The following CSMD1 variants were observed in gnomAD, a reference collection of about 807,000 sequenced individuals.
The protein encoded by CSMD1 is CUB and Sushi multiple domains 1.
Under a neutral mutation model 417.5 loss-of-function variants are expected in CSMD1, and 213 were observed. The ratio of observed to expected loss-of-function variants is 0.51; its 90% CI spans 0.46 to 0.57. The LOEUF (loss-of-function observed/expected upper bound fraction) is 0.57, where lower values mean the gene tolerates loss of function less well. Among genes scored for constraint, CSMD1 ranks in the 20% least tolerant of loss-of-function variants. The pLI, the probability that CSMD1 is intolerant of heterozygous loss-of-function variation, is 0.00. For missense variants in CSMD1, 6,923 were observed against 4,529.7 expected (o/e 1.53, Z -15.17); for synonymous variants, 2,862 against 1,736.8 (o/e 1.65, Z -16.11).
intron 3 of CSMD1, among the ~76,000 whole-genome samples, chr8:4,300,243 T>C (rs926096556): frequency 1.3e-5 from 2 of 152,252 alleles, no homozygotes; most frequent in African/African-American, 4.8e-5. Context: ...AAGTCGTTTG[T>C]AAACACAGAG....
chr8:3,310,792 TGC>T (rs1805276652), intron 23 of CSMD1, among the ~76,000 whole-genome samples: 1 of 150,030 alleles, frequency 6.7e-6, no homozygotes, highest in Non-Finnish European at 1.5e-5. Flanking sequence ...TGTGGGGTTC[TGC>T]ACACAGCACC....
At chr8:3,378,494 C>A (rs1352842636) in intron 18 of CSMD1, among the ~76,000 whole-genome samples, 1 of 152,118 alleles carries the variant, frequency 6.6e-6, no homozygotes, top group Non-Finnish European at 1.5e-5. Flanking sequence ...ATGTGAAAAT[C>A]CTCCATAAAA....
chr8:4,011,837 G>C (rs935151171), intron 4 of CSMD1, among the ~76,000 whole-genome samples: 1 of 151,918 alleles, frequency 6.6e-6, no homozygotes, highest in African/African-American at 2.4e-5. Context: ...AGTCATCTTT[G>C]GTATCCATTG....
At chr8:4,798,327 C>T (rs758362465) in intron 1 of CSMD1, among the ~76,000 whole-genome samples, 1 of 152,186 alleles carries the variant, frequency 6.6e-6, no homozygotes, top group Non-Finnish European at 1.5e-5. Context: ...CATGTCCCTA[C>T]AAAGGACATG....
chr8:4,031,459 G>C (rs1585167951), intron 4 of CSMD1, among the ~76,000 whole-genome samples: 1 of 152,080 alleles, frequency 6.6e-6, no homozygotes, highest in Non-Finnish European at 1.5e-5. Flanking sequence ...GCTATGATGA[G>C]AACGGCACAG....
chr8:3,006,432 C>T (rs1807908581), intron 52 of CSMD1, among the ~76,000 whole-genome samples: 2 of 151,472 alleles, frequency 1.3e-5, no homozygotes, highest in South Asian at 4.2e-4. Flanking sequence ...CTTTAAAGTT[C>T]ATATGGAACC....
intron 7 of CSMD1, among the ~76,000 whole-genome samples, chr8:3,645,087 G>A (rs1424603114): frequency 6.7e-6 from 1 of 149,954 alleles, no homozygotes; most frequent in Non-Finnish European, 1.5e-5. Context: ...ATCTTGAATT[G>A]CACAACTTCT....
chr8:4,066,091 A>C (rs1029114802), intron 3 of CSMD1, among the ~76,000 whole-genome samples: 3 of 152,206 alleles, frequency 2.0e-5, no homozygotes, highest in Non-Finnish European at 4.4e-5. Context: ...AAAACAATGA[A>C]AACAGTTCTG....
At chr8:4,475,896 A>G (rs138570005) in intron 2 of CSMD1, among the ~76,000 whole-genome samples, 21 of 152,188 alleles carry the variant, frequency 1.4e-4, no homozygotes, top group Middle Eastern at 3.4e-3. Flanking sequence ...TACAGGCTTG[A>G]GCCACCTCAC....
chr8:2,985,556 C>G (rs529780697), intron 54 of CSMD1, among the ~76,000 whole-genome samples: 1 of 152,268 alleles, frequency 6.6e-6, no homozygotes, highest in African/African-American at 2.4e-5. Flanking sequence ...AATATATAGG[C>G]AATACTCCTT....
intron 3 of CSMD1, among the ~76,000 whole-genome samples, chr8:4,141,579 G>C (rs1237155156): frequency 1.3e-5 from 2 of 151,130 alleles, no homozygotes; most frequent in Non-Finnish European, 2.9e-5. Context: ...TACAGAACGA[G>C]TAACTGTACT....
chr8:3,863,261 G>T (rs898178398), intron 5 of CSMD1, among the ~76,000 whole-genome samples: 1 of 152,064 alleles, frequency 6.6e-6, no homozygotes, highest in Admixed American at 6.6e-5. Flanking sequence ...GCTAGGTCTG[G>T]TGGCAGGCAC....
intron 1 of CSMD1, among the ~76,000 whole-genome samples, chr8:4,861,550 A>G (rs546228129): frequency 6.6e-6 from 1 of 152,242 alleles, no homozygotes; most frequent in South Asian, 2.1e-4. Context: ...GGTGGATGTT[A>G]CGAAGAAAAA....
At chr8:4,566,901 G>GAAAAACTCAATTTAGGAATGAC (rs1798641110) in intron 2 of CSMD1, among the ~76,000 whole-genome samples, 1 of 152,110 alleles carries the variant, frequency 6.6e-6, no homozygotes, top group African/African-American at 2.4e-5. Flanking sequence ...CCAGCAATGA[G>GAAAAACTCAATTTAGGAATGAC]AAAAAGTCAA....
intron 9 of CSMD1, among the ~76,000 whole-genome samples, chr8:3,580,314 C>T (rs1011888959): frequency 6.6e-6 from 1 of 152,042 alleles, no homozygotes; most frequent in Non-Finnish European, 1.5e-5. Flanking sequence ...AAAAGGCCTG[C>T]TCTGTAAGAA....
intron 54 of CSMD1, among the ~76,000 whole-genome samples, chr8:2,987,422 A>T (rs1226191631): frequency 6.7e-6 from 1 of 148,464 alleles, no homozygotes; most frequent in Non-Finnish European, 1.5e-5. Context: ...TATAATATAT[A>T]CATAAATATA....
chr8:3,403,708 T>G (rs1812176738), intron 15 of CSMD1, among the ~76,000 whole-genome samples: 1 of 152,184 alleles, frequency 6.6e-6, no homozygotes, highest in South Asian at 2.1e-4. Flanking sequence ...TCCTGAAAAT[T>G]CATGCTTCCA....
In CSMD1 at chr8:3,379,518, A is replaced by G. The variant is rs540220773; in HGVS notation, c.2782+7976T>C. 1.7e-3 allele frequency among the ~76,000 whole-genome samples: 254 copies of G among 152,238 alleles called. 1 individual carries two copies. Among genetic ancestry groups the G allele is most frequent in the African/African-American group, 5.8e-3 (241 of 41,556 alleles). Reference sequence around the variant, plus strand: ...AACTATACTACCAGGCTACAGTAACAAAAACAGCAAGGTACTGGTACCAAA... The same window carrying G: ...AACTATACTACCAGGCTACAGTAACGAAAACAGCAAGGTACTGGTACCAAA... On this transcript the variant is annotated intron_variant, in intron 18 of 69. Coordinates refer to ENST00000635120, the MANE Select transcript of CSMD1 (RefSeq NM_033225.6).
In CSMD1 at chr8:4,334,838, CATTT is replaced by C. The variant is rs374470047; in HGVS notation, c.415+85111_415+85114del. ...TATTCGGAGGTTTTTAAAGAAAAGA[CATTT>C]ATTTCTCATTGATCTGGAGGCTGGG... On this transcript the variant is annotated intron_variant, in intron 3 of 69. Transcript: ENST00000635120. Among the ~76,000 whole-genome samples, 24 of 152,162 alleles carry C rather than the reference CATTT, an allele frequency of 1.6e-4. No homozygotes were observed. In the East Asian group the frequency reaches 2.9e-3, roughly 18 times the overall value.
Sources: gnomAD v4.1 joint callset for allele counts (sites outside exome capture counted in the v4.1 genomes callset) on GRCh38, gnomAD v4.1.1 for gene constraint, MANE v1.5 for transcripts, NCBI Gene and HGNC (gene_info 2026-07-23, HGNC 2026-07-21) for gene names.